The following ZC3H8 variants were observed in gnomAD, a reference collection of about 807,000 sequenced individuals.
The protein encoded by ZC3H8 is zinc finger CCCH-type containing 8.
Under a neutral mutation model 42.5 loss-of-function variants are expected in ZC3H8, and 27 were observed. The observed-to-expected ratio is 0.64, with a 90% CI of 0.47 to 0.88. The LOEUF (loss-of-function observed/expected upper bound fraction) is 0.88. Among genes scored for constraint, ZC3H8 ranks in the 40% least tolerant of loss-of-function variants. The pLI is 0.00. For missense variants in ZC3H8, 277 were observed against 336.1 expected, an observed-to-expected ratio of 0.82 and a Z score of 1.37; for synonymous variants, 101 against 110.1, an observed-to-expected ratio of 0.92 and a Z score of 0.52.
At chr2:112,228,500 C>CAA (rs1188593900) in intron 8 of ZC3H8, among the ~76,000 whole-genome samples, 2 of 77,048 alleles carry the variant, frequency 2.6e-5, no homozygotes, top group Admixed American at 1.5e-4. Context: ...GACTCTGTCT[C>CAA]AAAAAAAAAA....
intron 8 of ZC3H8, among the ~76,000 whole-genome samples, chr2:112,225,383 T>C (rs972046951): frequency 6.6e-6 from 1 of 151,974 alleles, no homozygotes; most frequent in Non-Finnish European, 1.5e-5. Flanking sequence ...GAGGCTTAGG[T>C]AGAAGGATTG....
chr2:112,246,580 A>C (rs1685773075), intron 2 of ZC3H8, among the ~76,000 whole-genome samples: 1 of 152,204 alleles, frequency 6.6e-6, no homozygotes, highest in African/African-American at 2.4e-5. Context: ...TGGAAAAGCA[A>C]GAGAACTAGA....
chr2:112,234,064 C>A, intron 5 of ZC3H8, 56 bp downstream of exon 5: 1 of 1,030,238 alleles, frequency 9.7e-7, no homozygotes, highest in East Asian at 2.8e-5. Flanking sequence ...AAAAGAGTAT[C>A]AAACAGAAAG....
intron 8 of ZC3H8, among the ~76,000 whole-genome samples, chr2:112,221,406 T>C (rs1418691159): frequency 6.6e-6 from 1 of 152,204 alleles, no homozygotes; most frequent in South Asian, 2.1e-4. Flanking sequence ...CCTTCTGCCA[T>C]GTCTGTAAGT....
rs1420356712 is a variant in ZC3H8 at position 112,214,169 on chromosome 2, AT to A, written c.*2314del. ...CACCATGTTAGCCAGGATGGTCTCG[AT>A]CTCCTGACCTCATGATCCGCCCACC... is the stretch of plus-strand genomic sequence containing the variant. On this transcript the variant is annotated 3_prime_UTR_variant, in exon 9 of 9. Transcript: ENST00000409573. 1.3e-5 allele frequency: 2 copies of A among 151,836 alleles called. No individual in the cohort carries two copies. Among genetic ancestry groups the A allele is most frequent in the African/African-American group, 4.8e-5 (2 of 41,302 alleles). The allele number at this position is 151,836 out of a possible 1,614,324, so 9.4% of individuals were successfully genotyped here.
At chr2:112,216,628 G>A (rs1230758869) in intron 8 of ZC3H8, among the ~76,000 whole-genome samples, 160 bp from the exon 9 acceptor site, 1 of 147,878 alleles carries the variant, frequency 6.8e-6, no homozygotes, top group Non-Finnish European at 1.5e-5. Flanking sequence ...CCCCTCTTTG[G>A]GAAAATTAAA....
chr2:112,230,832 T>C (rs751295038), intron 8 of ZC3H8, 71 bp downstream of exon 8: 65 of 983,224 alleles, frequency 6.6e-5, no homozygotes, highest in Non-Finnish European at 8.1e-5. Context: ...GAGAACCCTA[T>C]TGAGGTTGCA....
In ZC3H8 at chr2:112,213,297, A is replaced by C. The variant is rs921289127; in HGVS notation, c.*3187T>G. 1 of 151,662 alleles carries C rather than the reference A, an allele frequency of 6.6e-6. No homozygotes were observed. Among genetic ancestry groups the C allele is most frequent in the African/African-American group, 2.4e-5 (1 of 41,294 alleles). 9.4% of individuals were successfully genotyped at this position (151,662 alleles called of 1,614,324 possible). On this transcript the variant is annotated 3_prime_UTR_variant, in exon 9 of 9. Transcript: ENST00000409573. Reference sequence around the variant, plus strand: ...AAGAAATCCTTGCACGTAACCCCCCAGTGGTTATGCTTATAAGAAACTAGT... The same window carrying C: ...AAGAAATCCTTGCACGTAACCCCCCCGTGGTTATGCTTATAAGAAACTAGT...
At chr2:112,244,680 C>T (rs1685697401) in intron 2 of ZC3H8, among the ~76,000 whole-genome samples, 4 of 152,136 alleles carry the variant, frequency 2.6e-5, no homozygotes, top group Non-Finnish European at 5.9e-5. Flanking sequence ...TGGTAATTCT[C>T]GCAATACATC....
At chr2:112,249,978 A>C in intron 2 of ZC3H8, 2 of 374,726 alleles carry the variant, frequency 5.3e-6, no homozygotes, top group South Asian at 9.2e-5. Context: ...AATGACAATA[A>C]AGTTATTAAA....
chr2:112,238,642 G>A, intron 2 of ZC3H8, 114 bp from the exon 3 acceptor site: 1 of 764,676 alleles, frequency 1.3e-6, no homozygotes, highest in Non-Finnish European at 2.1e-6. Context: ...GTGGGTAATA[G>A]GTACATGGGA....
chr2:112,254,851 A>G, intron 1 of ZC3H8, 57 bp downstream of exon 1: 2 of 1,568,710 alleles, frequency 1.3e-6, no homozygotes, highest in Non-Finnish European at 1.7e-6. Context: ...AGAAGAAACT[A>G]AGAGGCGGAG....
chr2:112,233,712 A>C (rs1451346779), intron 5 of ZC3H8, among the ~76,000 whole-genome samples: 1 of 151,884 alleles, frequency 6.6e-6, no homozygotes, highest in Non-Finnish European at 1.5e-5. Context: ...CTAACAATAC[A>C]AAAAAAATTA....
rs1685108724 is a variant in ZC3H8 at position 112,231,886 on chromosome 2, C to T, written c.795G>A (p.Lys265=). 6.3e-7 allele frequency: 1 copy of T among 1,592,676 alleles called. No homozygotes were observed. Among genetic ancestry groups the T allele is most frequent in the Non-Finnish European group, 8.6e-7 (1 of 1,166,466 alleles). The change falls in exon 7 of 9, where the codon AAG becomes AAA. Residue 265 remains lysine (K), a synonymous_variant. Coordinates refer to ENST00000409573, the MANE Select transcript of ZC3H8 (RefSeq NM_032494.3). ...CAGGAGTCAGTGGAGCATGAGAAAA[C>T]TTGCAGTATTCTCCCTGATAACATT... ...GTKCYQGEYC[K]FSHAPLTPET...
At chr2:112,235,945 A>G (rs1279159307) in intron 4 of ZC3H8, among the ~76,000 whole-genome samples, 1 of 150,824 alleles carries the variant, frequency 6.6e-6, no homozygotes, top group African/African-American at 2.4e-5. Flanking sequence ...CTAAAAAAAA[A>G]AAAAAAAAAA....
At chr2:112,228,446 G>A (rs895080033) in intron 8 of ZC3H8, among the ~76,000 whole-genome samples, 1 of 151,232 alleles carries the variant, frequency 6.6e-6, no homozygotes, top group Non-Finnish European at 1.5e-5. Flanking sequence ...AGGTTGCAGT[G>A]AGCCGAGACT....
In ZC3H8 at chr2:112,254,931, T is replaced by C; in HGVS notation, c.51A>G (p.Lys17=). The stretch of plus-strand genomic sequence containing the variant: ...ACCTTTCGTCAGAGTCCGTGGCCGT[T>C]TTGCCGAGGGCCGGGTTGGGGGGTT... ...FSKPPNPALG[K]TATDSDERID... is the part of the protein sequence containing the mutation. The change falls in exon 1 of 9, where the codon AAA becomes AAG. Residue 17 remains lysine (K), a synonymous_variant. Transcript: ENST00000409573. 6.2e-7 allele frequency: 1 copy of C among 1,613,506 alleles called. No homozygotes were observed. The highest frequency in any genetic ancestry group is 1.1e-5 in the South Asian group (1 of 91,002).
chr2:112,226,589 C>CA lies in ZC3H8; in HGVS notation c.*15+4313dup, dbSNP rs549996878. Among the ~76,000 whole-genome samples the CA allele has an allele frequency of 8.1e-4, 60 of 74,168 alleles. 5 individuals carry two copies. Among genetic ancestry groups the CA allele is most frequent in the Admixed American group, 2.0e-3 (13 of 6,552 alleles). 48.7% of individuals were successfully genotyped at this position (74,168 alleles called of 152,430 possible). A position where few individuals can be genotyped will look rare whatever the true frequency, so the allele number is the denominator to read the frequency against. ...GGGCAACAGAGCCAAGACTCCATCT[C>CA]AAAAAAAAAAAAAAAAGCTCAGGCC... On this transcript the variant is annotated intron_variant, in intron 8 of 8. Transcript: ENST00000409573.
intron 1 of ZC3H8, among the ~76,000 whole-genome samples, chr2:112,251,625 G>C (rs1685952806): frequency 6.6e-6 from 1 of 152,166 alleles, no homozygotes; most frequent in South Asian, 2.1e-4. Flanking sequence ...ACAAACAACA[G>C]TGTTATGACA....
Sources: gnomAD v4.1 joint callset for allele counts (sites outside exome capture counted in the v4.1 genomes callset) on GRCh38, gnomAD v4.1.1 for gene constraint, MANE v1.5 for transcripts, NCBI Gene and HGNC (gene_info 2026-07-23, HGNC 2026-07-21) for gene names.